Variants in TRIP4 observed in about 807,000 individuals in gnomAD.
TRIP4 encodes the protein thyroid hormone receptor interactor 4.
TRIP4 carries 54 observed loss-of-function variants against 81.8 expected under a neutral mutation model. That is an observed-to-expected ratio of 0.66 (90% CI 0.53 to 0.83). The LOEUF is 0.83. TRIP4 is among the 40% of genes least tolerant of loss of function. The probability of loss-of-function intolerance (pLI) is 0.00; values close to 1 mark genes in which losing one functional copy is unlikely to be tolerated. For synonymous variants in TRIP4, 270 were observed against 242.8 expected, an observed-to-expected ratio of 1.11 and a Z score of -1.04; for missense variants, 662 against 683.6, an observed-to-expected ratio of 0.97 and a Z score of 0.35.
Position 64,414,131 on chromosome 15 carries a change from C to G in TRIP4, c.1090C>G (p.Pro364Ala). Residue 364 changes from proline (P) to alanine (A), a missense_variant, in exon 8 of 13, where the codon CCA becomes GCA. Coordinates refer to ENST00000261884, the MANE Select transcript of TRIP4 (RefSeq NM_016213.5). Reference protein sequence around the residue: ...QAIANGTLNQPLTKLDRSSEE... With the variant: ...QAIANGTLNQALTKLDRSSEE... ...CATTGCCAATGGAACCTTGAACCAG[C>G]CACTGACCAAATTGGATAGATCTTC... 6.2e-7 allele frequency: 1 copy of G among 1,614,110 alleles called. No individual in the cohort carries two copies. Among genetic ancestry groups the G allele is most frequent in the African/African-American group, 1.3e-5 (1 of 75,020 alleles).
chr15:64,413,594 T>A (rs1463380665), intron 7 of TRIP4, among the ~76,000 whole-genome samples: 1 of 151,820 alleles, frequency 6.6e-6, no homozygotes, highest in African/African-American at 2.4e-5. Context: ...TTATTTTTAT[T>A]TTTTTTTATT....
chr15:64,443,764 A>G (rs982378598), intron 11 of TRIP4, among the ~76,000 whole-genome samples: 3 of 152,106 alleles, frequency 2.0e-5, no homozygotes, highest in Admixed American at 1.3e-4. Flanking sequence ...GCTCTCTCCT[A>G]TAATCCCAGA....
Position 64,452,041 on chromosome 15 carries a change from A to C in TRIP4, c.1679-2956A>C, listed in dbSNP as rs1308601164. On this transcript the variant is annotated intron_variant, in intron 12 of 12. Coordinates refer to ENST00000261884, the MANE Select transcript of TRIP4 (RefSeq NM_016213.5). ...TGGCATGAGATCTTGGCTCACTGCA[A>C]CCTCCACCTCCTGGGCTCATGCCAT... Among the ~76,000 whole-genome samples the C allele has an allele frequency of 4.0e-5, 6 of 151,534 alleles. No individual in the cohort carries two copies. In the East Asian group the frequency reaches 1.2e-3, roughly 30 times the overall value.
intron 1 of TRIP4, among the ~76,000 whole-genome samples, chr15:64,390,470 A>G (rs1229666719): frequency 6.6e-6 from 1 of 151,918 alleles, no homozygotes; most frequent in Non-Finnish European, 1.5e-5. Context: ...CAAAAAAAAA[A>G]AGGAAAAAAG....
At chr15:64,416,480 T>G (rs1891893057) in intron 8 of TRIP4, among the ~76,000 whole-genome samples, 1 of 152,132 alleles carries the variant, frequency 6.6e-6, no homozygotes, top group Non-Finnish European at 1.5e-5. Context: ...CCTAGCATTT[T>G]GGGAGGCTGA....
At chr15:64,404,980 A>G (rs1021028103) in intron 5 of TRIP4, among the ~76,000 whole-genome samples, 5 of 150,852 alleles carry the variant, frequency 3.3e-5, no homozygotes, top group Admixed American at 6.6e-5. Context: ...GCCACTGCAC[A>G]CAGCCACCTA....
chr15:64,445,667 CAAAAAAAAAAAA>C (rs34704960), intron 12 of TRIP4, among the ~76,000 whole-genome samples: 11 of 77,984 alleles, frequency 1.4e-4, no homozygotes, highest in African/African-American at 5.8e-5. Context: ...CACTCAGTCT[CAAAAAAAAAAAA>C]AAAAAAAAAA....
chr15:64,432,638 G>A lies in TRIP4; in HGVS notation c.1575+7007G>A, dbSNP rs1276207422. Among the ~76,000 whole-genome samples the A allele has an allele frequency of 5.4e-5, 8 of 149,374 alleles. No homozygotes were observed. In the East Asian group the frequency reaches 6.0e-4, roughly 11 times the overall value. ...AATAAATAAATAAATACAGCCGGGC[G>A]TGGTGACTCACACCTTTAATCCCAG... On this transcript the variant is annotated intron_variant, in intron 11 of 12. Transcript: ENST00000261884.
intron 1 of TRIP4, 172 bp from the exon 2 acceptor site, chr15:64,393,774 T>TACA: frequency 4.1e-6 from 2 of 488,932 alleles, no homozygotes; most frequent in Non-Finnish European, 6.6e-6. Flanking sequence ...TATGTATACA[T>TACA]TCATACCAGT....
chr15:64,438,118 A>G (rs1397382352), intron 11 of TRIP4, among the ~76,000 whole-genome samples: 2 of 152,234 alleles, frequency 1.3e-5, no homozygotes, highest in Non-Finnish European at 2.9e-5. Flanking sequence ...TTGCTTGACA[A>G]TGACCTTACC....
chr15:64,451,779 G>A (rs1892768924), intron 12 of TRIP4, among the ~76,000 whole-genome samples: 1 of 150,026 alleles, frequency 6.7e-6, no homozygotes, highest in Admixed American at 6.7e-5. Context: ...TCAGCCTCTT[G>A]AGTAGCTGGG....
intron 7 of TRIP4, among the ~76,000 whole-genome samples, chr15:64,411,742 C>T (rs901925671): frequency 6.6e-6 from 1 of 151,054 alleles, no homozygotes; most frequent in Non-Finnish European, 1.5e-5. Flanking sequence ...TGCAGTGGCG[C>T]GATCTTGGCT....
At chr15:64,430,144 C>T (rs1000160908) in intron 11 of TRIP4, among the ~76,000 whole-genome samples, 100 of 152,336 alleles carry the variant, frequency 6.6e-4, no homozygotes, top group African/African-American at 2.3e-3. Context: ...TGTGCTTTCT[C>T]CTGAGCCATG....
At position 64,409,793 on chromosome 15, in the gene TRIP4, GGAA is replaced by G. The variant is rs778332520; in HGVS notation, c.1015_1017del (p.Glu339del). On this transcript the variant is annotated inframe_deletion, in exon 7 of 13. Transcript: ENST00000261884. ...TTGACTTTGCAGGAAGGAAGATCCTGGAAGAAGAAAATTCACTAGCAGAGTATC... is the reference window on the plus strand; with the variant it reads ...TTGACTTTGCAGGAAGGAAGATCCTGGAAGAAAATTCACTAGCAGAGTATC... 1.7e-5 allele frequency: 28 copies of G among 1,613,954 alleles called. No homozygotes were observed. The highest frequency in any genetic ancestry group is 2.3e-5 in the Non-Finnish European group (27 of 1,180,038).
At chr15:64,422,574 C>T (rs1892043385) in intron 9 of TRIP4, among the ~76,000 whole-genome samples, 1 of 152,172 alleles carries the variant, frequency 6.6e-6, no homozygotes, top group African/African-American at 2.4e-5. Context: ...ATGATCAAAA[C>T]CTTAGATGTC....
intron 11 of TRIP4, 37 bp from the exon 12 acceptor site, chr15:64,444,969 C>T (rs1892591155): frequency 8.7e-7 from 1 of 1,152,786 alleles, no homozygotes; most frequent in African/African-American, 1.5e-5. Context: ...AAAGCTTGTC[C>T]CAACTATCCT....
intron 12 of TRIP4, among the ~76,000 whole-genome samples, chr15:64,454,346 G>A (rs1385940793): frequency 1.3e-5 from 2 of 152,118 alleles, no homozygotes; most frequent in Non-Finnish European, 2.9e-5. Flanking sequence ...TGGTAGATCT[G>A]AGAAGAGGTC....
Position 64,397,836 on chromosome 15 carries a change from T to TAA in TRIP4, c.618+19_618+20insAA. ...GCACTCTGGTAAATTATTTCTTTTC[T>TAA]ATTTTATTTTACTGTGCTTTGTGTT... is the stretch of plus-strand genomic sequence containing the variant. On this transcript the variant is annotated intron_variant, in intron 4 of 12. Coordinates refer to ENST00000261884, the MANE Select transcript of TRIP4 (RefSeq NM_016213.5). 1 of 1,611,910 alleles carries TAA rather than the reference T, an allele frequency of 6.2e-7. No homozygotes were observed. Among genetic ancestry groups the TAA allele is most frequent in the Non-Finnish European group, 8.5e-7 (1 of 1,178,316 alleles).
At chr15:64,451,411 G>A (rs939560800) in intron 12 of TRIP4, among the ~76,000 whole-genome samples, 2 of 149,198 alleles carry the variant, frequency 1.3e-5, no homozygotes, top group Non-Finnish European at 3.0e-5. Context: ...CACCTGGCCT[G>A]AAACACTTTA....
Sources: gnomAD v4.1 joint callset for allele counts (sites outside exome capture counted in the v4.1 genomes callset) on GRCh38, gnomAD v4.1.1 for gene constraint, MANE v1.5 for transcripts, NCBI Gene and HGNC (gene_info 2026-07-23, HGNC 2026-07-21) for gene names.